GALK2: variants seen among roughly 807,000 people sequenced by gnomAD.
The protein encoded by GALK2 is galactokinase 2.
GALK2 carries 36 observed loss-of-function variants against 52.4 expected under a neutral mutation model. That is an observed-to-expected ratio of 0.69 (90% CI 0.53 to 0.91). The LOEUF is 0.91. Among genes scored for constraint, GALK2 ranks in the 40% least tolerant of loss-of-function variants. The pLI, the probability that GALK2 is intolerant of heterozygous loss-of-function variation, is 0.00. For synonymous variants in GALK2, 176 were observed against 199.1 expected (o/e 0.88, Z 0.98); for missense variants, 579 against 559.1 (o/e 1.04, Z -0.36).
chr15:49,228,759 T>C (rs1223696644), intron 3 of GALK2, among the ~76,000 whole-genome samples: 2 of 137,018 alleles, frequency 1.5e-5, no homozygotes, highest in East Asian at 4.3e-4. Flanking sequence ...AGTGGCATGA[T>C]GTTGGTTCAC....
rs577148878 is a variant in GALK2 at position 49,177,828 on chromosome 15, C to T, written c.53+7453C>T. ...GTGGATGAATGAGGATAACTTCAAA[C>T]ATTTTGTATGTTGAATCTTCACCGA... On this transcript the variant is annotated intron_variant, in intron 1 of 9. Coordinates refer to ENST00000560031, the MANE Select transcript of GALK2 (RefSeq NM_002044.4). 20 of 301,796 alleles carry T rather than the reference C, an allele frequency of 6.6e-5. No homozygotes were observed. The South Asian group carries it at 7.9e-4, about 12-fold the overall frequency. The allele number at this position is 301,796 out of a possible 1,614,324, so 18.7% of individuals were successfully genotyped here.
At chr15:49,355,996 C>T (rs2043092837) in intron 3 of GALK2, among the ~76,000 whole-genome samples, 1 of 151,416 alleles carries the variant, frequency 6.6e-6, no homozygotes, top group Non-Finnish European at 1.5e-5. Flanking sequence ...AACTAAGCTT[C>T]ATAAGTGAAG....
chr15:49,361,017 T>C (rs1018537900), intron 3 of GALK2, among the ~76,000 whole-genome samples: 12 of 152,080 alleles, frequency 7.9e-5, no homozygotes, highest in African/African-American at 2.9e-4. Flanking sequence ...AAATATTACC[T>C]GTGGGGTTGC....
In GALK2 at chr15:49,228,687, A is replaced by ACATATAT. The variant is rs2090308588; in HGVS notation, c.267-7164_267-7163insCATATAT. On this transcript the variant is annotated intron_variant, in intron 3 of 9. Transcript: ENST00000560031. ...TATATATATATATATATATATATAT[A>ACATATAT]TTTTTTTTTTTTTTTTTTTTTTTTG... Among the ~76,000 whole-genome samples the ACATATAT allele has an allele frequency of 2.8e-4, 4 of 14,274 alleles. 1 individual carries two copies. The highest frequency in any genetic ancestry group is 3.5e-4 in the Non-Finnish European group (3 of 8,568). 9.4% of individuals were successfully genotyped at this position (14,274 alleles called of 152,430 possible). A position where few individuals can be genotyped will look rare whatever the true frequency, so the allele number is the denominator to read the frequency against.
intron 2 of GALK2, among the ~76,000 whole-genome samples, chr15:49,213,368 G>A (rs1014804084): frequency 2.0e-5 from 3 of 151,962 alleles, no homozygotes; most frequent in Non-Finnish European, 2.9e-5. Flanking sequence ...TTTACTTTAA[G>A]TTCTGGGATA....
At chr15:49,342,879 T>C (rs2040943441) in intron 3 of GALK2, among the ~76,000 whole-genome samples, 1 of 152,210 alleles carries the variant, frequency 6.6e-6, no homozygotes, top group South Asian at 2.1e-4. Context: ...TTATAAGGTT[T>C]TTGCTGAGAA....
At chr15:49,363,531 G>T (rs6493368) in intron 3 of GALK2, among the ~76,000 whole-genome samples, 100,447 of 152,010 alleles carry the variant, frequency 0.66, 33,716 homozygotes, top group African/African-American at 0.74. Flanking sequence ...GGGCAGAGAC[G>T]ATTGGTTTTG....
At chr15:49,195,072 T>A (rs1418477853) in intron 1 of GALK2, 7 of 452,628 alleles carry the variant, frequency 1.5e-5, no homozygotes, top group South Asian at 7.8e-5. Context: ...CTTATTTTTT[T>A]ATTTTATTTG....
intron 3 of GALK2, chr15:49,366,692 G>C (rs8033184): frequency 0.3 from 428,940 of 1,437,610 alleles, 68,649 homozygotes; most frequent in Non-Finnish European, 0.33. Flanking sequence ...CATCGGACTG[G>C]TGGGTGGCGG....
chr15:49,221,851 T>G (rs2089820571), intron 3 of GALK2, among the ~76,000 whole-genome samples: 1 of 152,114 alleles, frequency 6.6e-6, no homozygotes, highest in African/African-American at 2.4e-5. Context: ...CCCTCTTGCT[T>G]TGTTCTTTTT....
chr15:49,243,428 A>C (rs935783125), intron 5 of GALK2, among the ~76,000 whole-genome samples: 3 of 152,156 alleles, frequency 2.0e-5, no homozygotes, highest in African/African-American at 7.2e-5. Flanking sequence ...GATCCTTCTC[A>C]AAGGAAACTT....
At chr15:49,311,065 T>G (rs1246286273) in intron 8 of GALK2, among the ~76,000 whole-genome samples, 1 of 152,162 alleles carries the variant, frequency 6.6e-6, no homozygotes, top group Non-Finnish European at 1.5e-5. Flanking sequence ...GTTGATTTTT[T>G]TATATGGTGA....
intron 2 of GALK2, among the ~76,000 whole-genome samples, chr15:49,204,458 C>A (rs955199667): frequency 6.6e-6 from 1 of 152,054 alleles, no homozygotes. Flanking sequence ...TTCTTCCAGT[C>A]CAAGAATGTG....
At chr15:49,238,126 G>A (rs193232608) in intron 4 of GALK2, among the ~76,000 whole-genome samples, 3 of 152,264 alleles carry the variant, frequency 2.0e-5, no homozygotes, top group Non-Finnish European at 4.4e-5. Flanking sequence ...ATTCTCCCTT[G>A]TATAATAGGT....
intron 5 of GALK2, among the ~76,000 whole-genome samples, chr15:49,256,442 G>A (rs2091818233): frequency 6.6e-6 from 1 of 152,176 alleles, no homozygotes; most frequent in South Asian, 2.1e-4. Context: ...GATGGGTGGT[G>A]TTGATGGAAC....
In GALK2 at chr15:49,329,040, C is replaced by T; in HGVS notation, c.*881C>T. 1 of 1,004,744 alleles carries T rather than the reference C, an allele frequency of 1.0e-6. No individual in the cohort carries two copies. The highest frequency in any genetic ancestry group is 1.2e-6 in the Non-Finnish European group (1 of 841,582). The allele number at this position is 1,004,744 out of a possible 1,614,324, so 62.2% of individuals were successfully genotyped here. ...TCACTCTTTTTCTACTACTTTTTCT[C>T]AAATACCTCTCTAATCCAAGAGGCA... On this transcript the variant is annotated 3_prime_UTR_variant, in exon 10 of 10. Coordinates refer to ENST00000560031, the MANE Select transcript of GALK2 (RefSeq NM_002044.4).
chr15:49,323,594 A>G (rs1422908331), intron 9 of GALK2, among the ~76,000 whole-genome samples: 1 of 152,212 alleles, frequency 6.6e-6, no homozygotes. Flanking sequence ...TTGAATACCT[A>G]GAATACCTAA....
chr15:49,358,693 C>T (rs1449518281), intron 3 of GALK2, among the ~76,000 whole-genome samples: 1 of 150,800 alleles, frequency 6.6e-6, no homozygotes, highest in Non-Finnish European at 1.5e-5. Context: ...ATGCCATCCC[C>T]ATCAAGCTAC....
rs556200489 is a variant in GALK2 at position 49,251,026 on chromosome 15, C to A, written c.504+11659C>A. ...CATATACAAATTCTTCCAAAGAATA[C>A]GAAAACAAAGAACACTTCCCAACTT... On this transcript the variant is annotated intron_variant, in intron 5 of 9. Coordinates refer to ENST00000560031, the MANE Select transcript of GALK2 (RefSeq NM_002044.4). Among the ~76,000 whole-genome samples, 10 of 152,088 alleles carry A rather than the reference C, an allele frequency of 6.6e-5. No individual in the cohort carries two copies. The South Asian group carries it at 2.1e-3, about 32-fold the overall frequency.
Sources: allele counts gnomAD v4.1 joint callset (sites outside exome capture counted in the v4.1 genomes callset), GRCh38; gene constraint gnomAD v4.1.1; transcripts MANE v1.5; gene names NCBI Gene and HGNC (gene_info 2026-07-23, HGNC 2026-07-21).